PAG1: variants seen among roughly 807,000 people sequenced by gnomAD.
The protein encoded by PAG1 is phosphoprotein membrane anchor with glycosphingolipid microdomains 1, also known as phosphoprotein associated with glycosphingolipid-enriched microdomains 1.
A neutral mutation model predicts 31.7 loss-of-function variants in PAG1; 23 were observed. That is an observed-to-expected ratio of 0.73 (90% confidence interval 0.52 to 1.03). PAG1 has a LOEUF of 1.03. PAG1 is among the 50% of genes least tolerant of loss of function. The pLI is 0.00. For synonymous variants in PAG1, 214 were observed against 210.3 expected (o/e 1.02, Z -0.15); for missense variants, 473 against 540.7 (o/e 0.87, Z 1.24).
chr8:81,004,673 T>C (rs1807843685), intron 3 of PAG1, among the ~76,000 whole-genome samples: 1 of 152,234 alleles, frequency 6.6e-6, no homozygotes, highest in Non-Finnish European at 1.5e-5. Flanking sequence ...TTCTTTCACT[T>C]CTACCATGTT....
At chr8:81,014,385 G>A (rs1217412153) in intron 3 of PAG1, among the ~76,000 whole-genome samples, 1 of 152,172 alleles carries the variant, frequency 6.6e-6, no homozygotes, top group Non-Finnish European at 1.5e-5. Context: ...CAAACTGAGA[G>A]TTCAAAACAA....
At chr8:80,994,148 C>A (rs1226230153) in intron 3 of PAG1, among the ~76,000 whole-genome samples, 1 of 151,460 alleles carries the variant, frequency 6.6e-6, no homozygotes, top group East Asian at 2.0e-4. Flanking sequence ...TGCCATCTCT[C>A]ATCTCCCTCA....
chr8:81,057,085 G>A (rs868306119), intron 2 of PAG1, among the ~76,000 whole-genome samples: 3 of 152,166 alleles, frequency 2.0e-5, no homozygotes, highest in African/African-American at 7.2e-5. Context: ...TGCTGGAGAG[G>A]ATGTGAAGAA....
chr8:80,981,861 CCTTT>C (rs1807310041), intron 7 of PAG1, among the ~76,000 whole-genome samples: 1 of 106,368 alleles, frequency 9.4e-6, no homozygotes, highest in Non-Finnish European at 1.7e-5. Flanking sequence ...TATCTCACTT[CCTTT>C]TTTTTTTTTT....
At chr8:80,992,876 G>A (rs1807582308) in intron 4 of PAG1, among the ~76,000 whole-genome samples, 1 of 152,092 alleles carries the variant, frequency 6.6e-6, no homozygotes, top group African/African-American at 2.4e-5. Flanking sequence ...AAAATATAAG[G>A]GCTCTTCTAG....
At chr8:81,081,184 T>G (rs1006123439) in intron 1 of PAG1, among the ~76,000 whole-genome samples, 2 of 151,934 alleles carry the variant, frequency 1.3e-5, no homozygotes, top group Non-Finnish European at 2.9e-5. Context: ...CAGAATCCCT[T>G]GCCTTCCTTC....
chr8:81,068,062 A>AC (rs1809035302), intron 2 of PAG1, among the ~76,000 whole-genome samples: 1 of 152,074 alleles, frequency 6.6e-6, no homozygotes, highest in Non-Finnish European at 1.5e-5. Flanking sequence ...ATGTCCGGCT[A>AC]ATTTTTGTAT....
intron 7 of PAG1, among the ~76,000 whole-genome samples, chr8:80,980,857 T>G (rs1287422544): frequency 6.6e-6 from 1 of 152,200 alleles, no homozygotes. Flanking sequence ...TGCCTGAATT[T>G]TATACTTCTA....
chr8:81,085,353 C>T (rs1809333704), intron 1 of PAG1, among the ~76,000 whole-genome samples: 1 of 152,076 alleles, frequency 6.6e-6, no homozygotes, highest in African/African-American at 2.4e-5. Flanking sequence ...GACTCACAGC[C>T]AATCCAGCAA....
chr8:81,102,446 T>C (rs965450548), intron 1 of PAG1, among the ~76,000 whole-genome samples: 4 of 152,166 alleles, frequency 2.6e-5, no homozygotes, highest in Non-Finnish European at 4.4e-5. Context: ...AAATGTAAAA[T>C]AGGCACCATG....
At chr8:81,096,302 A>G (rs886416596) in intron 1 of PAG1, among the ~76,000 whole-genome samples, 9 of 149,482 alleles carry the variant, frequency 6.0e-5, no homozygotes, top group Non-Finnish European at 1.3e-4. Flanking sequence ...TGGAAAATGA[A>G]CATGCATTCT....
Position 80,990,687 on chromosome 8 carries a change from G to A in PAG1, c.177+792C>T, listed in dbSNP as rs561093467. ...ATCCCTGAGGGCCTCAGGATCATCAGGACCCTGTAAGATACTGAGGGCTGG... is the reference window on the plus strand; with the variant it reads ...ATCCCTGAGGGCCTCAGGATCATCAAGACCCTGTAAGATACTGAGGGCTGG... On this transcript the variant is annotated intron_variant, in intron 5 of 8. Transcript: ENST00000220597. This position sits in a 1 kb window ranked among gnomAD's most constrained non-coding sequence, Gnocchi z 5.1. 6.6e-6 allele frequency among the ~76,000 whole-genome samples: 1 copy of A among 152,206 alleles called. No individual in the cohort carries two copies. Among genetic ancestry groups the A allele is most frequent in the East Asian group, 1.9e-4 (1 of 5,156 alleles).
intron 3 of PAG1, among the ~76,000 whole-genome samples, chr8:80,993,599 CTTTTTT>C (rs56960149): frequency 1.5e-5 from 2 of 135,936 alleles, no homozygotes; most frequent in Admixed American, 7.3e-5. Flanking sequence ...TCTTCTTGTT[CTTTTTT>C]TTTTTTTTTT....
chr8:81,096,828 T>C (rs1295444751), intron 1 of PAG1, among the ~76,000 whole-genome samples: 1 of 152,186 alleles, frequency 6.6e-6, no homozygotes. Flanking sequence ...CTGGAATGGT[T>C]TCTGGCCTGC....
At chr8:80,994,597 G>A (rs1315808348) in intron 3 of PAG1, among the ~76,000 whole-genome samples, 1 of 152,152 alleles carries the variant, frequency 6.6e-6, no homozygotes, top group Non-Finnish European at 1.5e-5. Context: ...AGCTGTCTCA[G>A]ACTCCAAAGC....
intron 2 of PAG1, among the ~76,000 whole-genome samples, chr8:81,059,813 C>T (rs898914679): frequency 5.9e-5 from 9 of 151,948 alleles, no homozygotes; most frequent in Non-Finnish European, 8.8e-5. Flanking sequence ...GTCAGTAGTT[C>T]GAGACCAGCC....
At chr8:81,011,222 G>T (rs538366933) in intron 3 of PAG1, among the ~76,000 whole-genome samples, 1 of 152,298 alleles carries the variant, frequency 6.6e-6, no homozygotes, top group South Asian at 2.1e-4. Context: ...GTTTGGCTGT[G>T]TCCCCACCCA....
At chr8:81,007,636 CAAAA>C (rs58612249) in intron 3 of PAG1, among the ~76,000 whole-genome samples, 7 of 49,716 alleles carry the variant, frequency 1.4e-4, no homozygotes, top group South Asian at 2.9e-3. Flanking sequence ...GACTCTGTCT[CAAAA>C]AAAAAAAAAA....
chr8:81,062,026 TTATTA>T (rs1353732906), intron 2 of PAG1, among the ~76,000 whole-genome samples: 1 of 152,188 alleles, frequency 6.6e-6, no homozygotes, highest in South Asian at 2.1e-4. Flanking sequence ...TACTACATAT[TTATTA>T]TATTAAGAGA....
Sources: allele counts gnomAD v4.1 joint callset (sites outside exome capture counted in the v4.1 genomes callset), GRCh38; gene constraint gnomAD v4.1.1; non-coding constraint Gnocchi (gnomAD v3.1); transcripts MANE v1.5; gene names NCBI Gene and HGNC (gene_info 2026-07-23, HGNC 2026-07-21).